Variants in PAPPA2 observed in about 807,000 individuals in gnomAD.
The protein encoded by PAPPA2 is pappalysin-2.
PAPPA2 carries 86 observed loss-of-function variants against 176.4 expected under a neutral mutation model. That is an observed-to-expected ratio of 0.49 (90% CI 0.41 to 0.58). The LOEUF (loss-of-function observed/expected upper bound fraction) is 0.58. Ranked by LOEUF, PAPPA2 falls within the 20% of genes least tolerant of loss-of-function variation. The probability of loss-of-function intolerance (pLI) is 0.00; values close to 1 mark genes in which losing one functional copy is unlikely to be tolerated. For synonymous variants in PAPPA2, 809 were observed against 852.2 expected (o/e 0.95, Z 0.88); for missense variants, 2,073 against 2,256.9 (o/e 0.92, Z 1.65).
chr1:176,506,106 C>T (rs1040712500), intron 1 of PAPPA2, among the ~76,000 whole-genome samples: 3 of 152,100 alleles, frequency 2.0e-5, no homozygotes, highest in Middle Eastern at 6.8e-3. Context: ...ATAAGGAGTC[C>T]CTTCTCCATT....
intron 17 of PAPPA2, among the ~76,000 whole-genome samples, chr1:176,784,132 CA>C (rs1664830191): frequency 6.6e-6 from 1 of 152,156 alleles, no homozygotes; most frequent in Non-Finnish European, 1.5e-5. Context: ...AGCTGACAGA[CA>C]GCAAGTAGAA....
At chr1:176,827,871 G>A (rs1666919322) in intron 21 of PAPPA2, among the ~76,000 whole-genome samples, 1 of 151,938 alleles carries the variant, frequency 6.6e-6, no homozygotes, top group Admixed American at 6.6e-5. Context: ...AAATGTAAAG[G>A]ATTTTTTCTG....
intron 7 of PAPPA2, among the ~76,000 whole-genome samples, 187 bp downstream of exon 7, chr1:176,696,046 G>T (rs902799809): frequency 2.0e-5 from 3 of 151,726 alleles, no homozygotes; most frequent in Non-Finnish European, 4.4e-5. Flanking sequence ...GTGCCGCTGT[G>T]TGCAGAATGT....
chr1:176,829,575 G>A (rs953727429), intron 21 of PAPPA2, among the ~76,000 whole-genome samples: 5 of 152,214 alleles, frequency 3.3e-5, no homozygotes, highest in Admixed American at 6.5e-5. Context: ...AGACAGAGAC[G>A]AAGGGAAGTT....
At position 176,781,365 on chromosome 1, in the gene PAPPA2, C is replaced by CTTT. The variant is rs35029858; in HGVS notation, c.4716-8413_4716-8411dup. 8.0e-3 allele frequency among the ~76,000 whole-genome samples: 372 copies of CTTT among 46,276 alleles called. 36 individuals are homozygous for CTTT. Among genetic ancestry groups the CTTT allele is most frequent in the East Asian group, 0.019 (21 of 1,114 alleles). 30.4% of individuals were successfully genotyped at this position (46,276 alleles called of 152,430 possible). On this transcript the variant is annotated intron_variant, in intron 17 of 22. Transcript: ENST00000367662. ...CATGTGAGAAGAGCTTTGTAAGGGG[C>CTTT]TTTTTTTTTTTTTTTTTTTTTTTTT... is the stretch of plus-strand genomic sequence containing the variant.
chr1:176,728,743 T>G (rs1661995872), intron 12 of PAPPA2, among the ~76,000 whole-genome samples: 1 of 151,928 alleles, frequency 6.6e-6, no homozygotes, highest in African/African-American at 2.4e-5. Context: ...ATCATAAAAT[T>G]ATAGTCATTA....
intron 12 of PAPPA2, among the ~76,000 whole-genome samples, chr1:176,721,149 T>C (rs1193077252): frequency 1.3e-5 from 2 of 152,198 alleles, no homozygotes; most frequent in Non-Finnish European, 2.9e-5. Context: ...CCCAGTCAAG[T>C]TGATATTTAA....
intron 1 of PAPPA2, among the ~76,000 whole-genome samples, chr1:176,523,604 G>A (rs149878059): frequency 2.6e-5 from 4 of 152,078 alleles, no homozygotes; most frequent in East Asian, 3.9e-4. Flanking sequence ...GATAGTGAGT[G>A]GTCTCTTTCA....
Position 176,557,156 on chromosome 1 carries a change from G to A in PAPPA2, c.834G>A (p.Val278=), listed in dbSNP as rs375468446. The A allele has an allele frequency of 8.8e-4, 1,420 of 1,613,974 alleles. 23 individuals are homozygous for A. The South Asian group carries it at 0.015, about 17-fold the overall frequency. Residue 278 remains valine (V), a synonymous_variant, in exon 2 of 23, where the codon GTG becomes GTA. Transcript: ENST00000367662. ...AGCGGCTGCTGCTGCGTCCAGAAGT[G>A]CTGGCTGAGATTCCCCGGGAGGCGT... The part of the protein sequence containing the change: ...RRERLLLRPE[V]LAEIPREAFT...
At chr1:176,626,167 C>A (rs1655999802) in intron 3 of PAPPA2, among the ~76,000 whole-genome samples, 1 of 152,188 alleles carries the variant, frequency 6.6e-6, no homozygotes, top group African/African-American at 2.4e-5. Flanking sequence ...TCAGAAAGGC[C>A]TGTGTATACA....
intron 1 of PAPPA2, among the ~76,000 whole-genome samples, chr1:176,523,762 C>A (rs1189649207): frequency 6.6e-6 from 1 of 152,130 alleles, no homozygotes; most frequent in Admixed American, 6.5e-5. Context: ...ACAATTATAC[C>A]TACCCCATTT....
At chr1:176,531,948 A>G (rs1380299481) in intron 1 of PAPPA2, among the ~76,000 whole-genome samples, 1 of 152,126 alleles carries the variant, frequency 6.6e-6, no homozygotes, top group South Asian at 2.1e-4. Context: ...TGGGCTTCCT[A>G]GAGGCCTCCT....
At chr1:176,609,920 C>T (rs1654816876) in intron 3 of PAPPA2, among the ~76,000 whole-genome samples, 1 of 152,060 alleles carries the variant, frequency 6.6e-6, no homozygotes. Context: ...TGGGTAATCT[C>T]AAGAAGACAT....
chr1:176,504,710 G>C (rs1648158043), intron 1 of PAPPA2, among the ~76,000 whole-genome samples: 2 of 151,980 alleles, frequency 1.3e-5, no homozygotes, highest in African/African-American at 4.8e-5. Flanking sequence ...TTATATTCTT[G>C]GCTTATTAAA....
intron 3 of PAPPA2, among the ~76,000 whole-genome samples, chr1:176,670,663 A>G (rs992284186): frequency 3.3e-5 from 5 of 152,206 alleles, no homozygotes; most frequent in Admixed American, 1.3e-4. Context: ...TCATGGTATC[A>G]TTAGATTTAT....
chr1:176,829,077 G>GT (rs1178142696), intron 21 of PAPPA2, among the ~76,000 whole-genome samples: 1 of 152,116 alleles, frequency 6.6e-6, no homozygotes. Flanking sequence ...GTAGATTAAA[G>GT]TTTACCCCAA....
intron 14 of PAPPA2, among the ~76,000 whole-genome samples, chr1:176,764,407 A>G (rs1170483017): frequency 6.6e-6 from 1 of 152,216 alleles, no homozygotes; most frequent in African/African-American, 2.4e-5. Flanking sequence ...TGAGGTTGCC[A>G]TAATTATCCC....
chr1:176,718,746 A>G (rs2102846199), intron 12 of PAPPA2, among the ~76,000 whole-genome samples: 1 of 151,620 alleles, frequency 6.6e-6, no homozygotes, highest in Non-Finnish European at 1.5e-5. Flanking sequence ...CTGTGGTCAA[A>G]AGTATATTCT....
intron 11 of PAPPA2, among the ~76,000 whole-genome samples, chr1:176,711,175 C>A (rs936933884): frequency 1.3e-5 from 2 of 152,218 alleles, no homozygotes; most frequent in African/African-American, 2.4e-5. Context: ...TCGCCTTGAA[C>A]AAAATTGGAG....
Sources: gnomAD v4.1 joint callset for allele counts (sites outside exome capture counted in the v4.1 genomes callset) on GRCh38, gnomAD v4.1.1 for gene constraint, MANE v1.5 for transcripts, NCBI Gene and HGNC (gene_info 2026-07-23, HGNC 2026-07-21) for gene names.